Variants in RRAGD observed in about 807,000 individuals in gnomAD.
RRAGD encodes ras-related GTP-binding protein D.
A neutral mutation model predicts 35.5 loss-of-function variants in RRAGD; 12 were observed. That is an observed-to-expected ratio of 0.34 (90% CI 0.22 to 0.55). The LOEUF is 0.55. Ranked by LOEUF, RRAGD falls within the 20% of genes least tolerant of loss-of-function variation. RRAGD has a pLI of 0.91. For missense variants in RRAGD, 324 were observed against 490.1 expected (o/e 0.66, Z 3.20); for synonymous variants, 155 against 178.9 (o/e 0.87, Z 1.07).
rs77370072 is a variant in RRAGD at position 89,387,877 on chromosome 6, A to G, written c.149-287T>C. On this transcript the variant is annotated intron_variant, in intron 1 of 6. Coordinates refer to ENST00000369415, the MANE Select transcript of RRAGD (RefSeq NM_021244.5). ...CTTCTTACACCATCCCGGAGGCCAG[A>G]CACCAATATAATGCCACATCACAAG... is the stretch of plus-strand genomic sequence containing the variant. 7.2e-3 allele frequency among the ~76,000 whole-genome samples: 1,102 copies of G among 152,182 alleles called. 8 individuals carry two copies. Among genetic ancestry groups the G allele is most frequent in the African/African-American group, 0.026 (1,066 of 41,518 alleles).
intron 1 of RRAGD, among the ~76,000 whole-genome samples, chr6:89,395,796 G>A (rs903060865): frequency 6.6e-6 from 1 of 152,146 alleles, no homozygotes; most frequent in Admixed American, 6.6e-5. Flanking sequence ...TCCAAACTGT[G>A]AGTGTTGGTG....
Position 89,412,069 on chromosome 6 carries a change from C to A in RRAGD, c.-76G>T. On this transcript the variant is annotated 5_prime_UTR_variant, in exon 1 of 7. Coordinates refer to ENST00000369415, the MANE Select transcript of RRAGD (RefSeq NM_021244.5). The surrounding 1 kb of genome is among the most constrained non-coding windows in gnomAD (Gnocchi z 4.2). ...GCCAAGCCTCCTAGCCGGCCGCCCG[C>A]AGCCTATTTCTGAAGCGGAGGTTTG... 1 of 1,392,960 alleles carries A rather than the reference C, an allele frequency of 7.2e-7. No individual in the cohort carries two copies. Among genetic ancestry groups the A allele is most frequent in the Non-Finnish European group, 9.4e-7 (1 of 1,058,430 alleles). The allele number at this position is 1,392,960 out of a possible 1,614,324, so 86.3% of individuals were successfully genotyped here.
At chr6:89,372,682 T>C in intron 5 of RRAGD, 97 bp from the exon 6 acceptor site, 1 of 1,276,530 alleles carries the variant, frequency 7.8e-7, no homozygotes, top group Non-Finnish European at 1.1e-6. Context: ...CAAAAAGTGA[T>C]AATCATAAGT....
chr6:89,379,033 C>G (rs571591130), intron 4 of RRAGD, among the ~76,000 whole-genome samples, 191 bp downstream of exon 4: 4 of 152,216 alleles, frequency 2.6e-5, no homozygotes, highest in Non-Finnish European at 5.9e-5. Flanking sequence ...CAAAGTGGGG[C>G]GTGAGCCATC....
chr6:89,400,182 T>C (rs753770498), intron 1 of RRAGD, among the ~76,000 whole-genome samples: 6 of 152,098 alleles, frequency 3.9e-5, no homozygotes, highest in Non-Finnish European at 8.8e-5. Context: ...AATCCTTAAG[T>C]CAGAACACAT....
intron 1 of RRAGD, among the ~76,000 whole-genome samples, chr6:89,401,990 A>T (rs1037053149): frequency 3.4e-5 from 5 of 145,240 alleles, no homozygotes; most frequent in African/African-American, 1.3e-4. Flanking sequence ...GGAGGGTGAT[A>T]CTGGGAAGTT....
chr6:89,394,201 A>C (rs1769289904), intron 1 of RRAGD, among the ~76,000 whole-genome samples: 2 of 152,112 alleles, frequency 1.3e-5, no homozygotes, highest in Admixed American at 6.5e-5. Flanking sequence ...CACAAAATAA[A>C]ATGGAGAAAC....
chr6:89,398,962 G>C (rs767490892), intron 1 of RRAGD, among the ~76,000 whole-genome samples: 6 of 152,216 alleles, frequency 3.9e-5, no homozygotes, highest in Admixed American at 2.6e-4. Context: ...GCCCACTCAT[G>C]GTCTATGCAT....
intron 6 of RRAGD, among the ~76,000 whole-genome samples, chr6:89,369,430 T>C (rs1331483407): frequency 6.6e-6 from 1 of 152,134 alleles, no homozygotes; most frequent in Non-Finnish European, 1.5e-5. Flanking sequence ...TACAATGAAA[T>C]ACTCAACTTG....
chr6:89,412,117 C>G lies in RRAGD; in HGVS notation c.-124G>C. ...TTGTCTAGAGCTCAGCGGGGCCCGG[C>G]GGAAGCGGGGGCCGCGCGTCCCCCG... is the stretch of plus-strand genomic sequence containing the variant. On this transcript the variant is annotated 5_prime_UTR_variant, in exon 1 of 7. Coordinates refer to ENST00000369415, the MANE Select transcript of RRAGD (RefSeq NM_021244.5). The surrounding 1 kb of genome is among the most constrained non-coding windows in gnomAD (Gnocchi z 4.2). 1 of 946,850 alleles carries G rather than the reference C, an allele frequency of 1.1e-6. No homozygotes were observed. Among genetic ancestry groups the G allele is most frequent in the Admixed American group, 4.3e-5 (1 of 23,018 alleles). 58.7% of individuals were successfully genotyped at this position (946,850 alleles called of 1,614,324 possible).
intron 1 of RRAGD, among the ~76,000 whole-genome samples, chr6:89,400,817 C>G (rs185114795): frequency 6.6e-6 from 1 of 152,074 alleles, no homozygotes; most frequent in East Asian, 1.9e-4. Flanking sequence ...TGACAGCCCC[C>G]CTAAAAGGAG....
At chr6:89,394,921 G>A (rs1562460258) in intron 1 of RRAGD, among the ~76,000 whole-genome samples, 1 of 152,034 alleles carries the variant, frequency 6.6e-6, no homozygotes, top group Non-Finnish European at 1.5e-5. Flanking sequence ...GAAAAGGAAA[G>A]AAAAACAATT....
At chr6:89,409,636 C>A (rs1769656865) in intron 1 of RRAGD, among the ~76,000 whole-genome samples, 1 of 152,228 alleles carries the variant, frequency 6.6e-6, no homozygotes, top group Non-Finnish European at 1.5e-5. Context: ...AATCCCCACT[C>A]CCCAGACCAT....
chr6:89,405,533 T>A (rs945107280), intron 1 of RRAGD, among the ~76,000 whole-genome samples: 2 of 151,778 alleles, frequency 1.3e-5, no homozygotes, highest in South Asian at 4.2e-4. Context: ...TCTATCAGCA[T>A]ACACGCATAC....
chr6:89,377,953 T>G, intron 4 of RRAGD, 140 bp from the exon 5 acceptor site: 1 of 651,340 alleles, frequency 1.5e-6, no homozygotes, highest in South Asian at 2.1e-5. Context: ...TTGTATCATT[T>G]TATTACAATT....
At chr6:89,405,926 A>G (rs1769570206) in intron 1 of RRAGD, among the ~76,000 whole-genome samples, 1 of 152,220 alleles carries the variant, frequency 6.6e-6, no homozygotes, top group Non-Finnish European at 1.5e-5. Flanking sequence ...TCATATGACT[A>G]ATACTACTAC....
chr6:89,372,016 A>G lies in RRAGD; in HGVS notation c.1051+421T>C, dbSNP rs1218162175. 4.6e-5 allele frequency among the ~76,000 whole-genome samples: 7 copies of G among 152,330 alleles called. No individual in the cohort carries two copies. The East Asian group carries it at 1.2e-3, about 25-fold the overall frequency. On this transcript the variant is annotated intron_variant, in intron 6 of 6. Transcript: ENST00000369415. ...TCCCCTCCTTTACATGGGAAGAACA[A>G]AAGATCACACGGTTACCTAAGACCT...
In RRAGD at chr6:89,366,694, A is replaced by G. The variant is rs1768755579; in HGVS notation, c.*1362T>C. 1 of 152,280 alleles carries G rather than the reference A, an allele frequency of 6.6e-6. No individual in the cohort carries two copies. Among genetic ancestry groups the G allele is most frequent in the East Asian group, 1.9e-4 (1 of 5,188 alleles). 9.4% of individuals were successfully genotyped at this position (152,280 alleles called of 1,614,324 possible). On this transcript the variant is annotated 3_prime_UTR_variant, in exon 7 of 7. Coordinates refer to ENST00000369415, the MANE Select transcript of RRAGD (RefSeq NM_021244.5). ...GGGTGCTAACCCTTGAGATGCACGT[A>G]AAATTATCTACTTGGAATGATTTGG...
intron 1 of RRAGD, among the ~76,000 whole-genome samples, chr6:89,393,247 G>A (rs1368691974): frequency 1.3e-5 from 2 of 152,180 alleles, no homozygotes; most frequent in African/African-American, 4.8e-5. Flanking sequence ...AAATCCTTAA[G>A]AAACACAAAG....
Sources: gnomAD v4.1 joint callset for allele counts (sites outside exome capture counted in the v4.1 genomes callset) on GRCh38, gnomAD v4.1.1 for gene constraint, Gnocchi (gnomAD v3.1) non-coding constraint, MANE v1.5 for transcripts, NCBI Gene and HGNC (gene_info 2026-07-23, HGNC 2026-07-21) for gene names.